Variants in SLC25A31 observed in about 807,000 individuals in gnomAD.
SLC25A31 encodes solute carrier family 25 member 31.
In SLC25A31, 40 loss-of-function variants were observed where a neutral mutation model predicts 36.2. That is an observed-to-expected ratio of 1.10 (90% CI 0.86 to 1.44). The LOEUF (loss-of-function observed/expected upper bound fraction) is 1.44. Ranked by LOEUF, SLC25A31 falls within the 40% of genes most tolerant of loss-of-function variation. SLC25A31 has a pLI of 0.00. For missense variants in SLC25A31, 350 were observed against 397.1 expected (o/e 0.88, Z 1.01); for synonymous variants, 143 against 149.7 (o/e 0.96, Z 0.32).
intron 4 of SLC25A31, 99 bp downstream of exon 4, chr4:127,767,319 T>G: frequency 9.0e-7 from 1 of 1,115,752 alleles, no homozygotes; most frequent in Non-Finnish European, 1.2e-6. Flanking sequence ...ATTATAAAAA[T>G]AAAAATCAGT....
chr4:127,732,112 G>T (rs975015565), intron 1 of SLC25A31, among the ~76,000 whole-genome samples: 6 of 152,168 alleles, frequency 3.9e-5, no homozygotes, highest in Non-Finnish European at 5.9e-5. Context: ...CACCCATATA[G>T]TTGGATTCAA....
chr4:127,744,620 A>G (rs1223155859), intron 1 of SLC25A31, 52 bp from the exon 2 acceptor site: 24 of 1,469,996 alleles, frequency 1.6e-5, no homozygotes, highest in East Asian at 4.7e-5. Context: ...AACTATGGCA[A>G]TTGTTTAATA....
chr4:127,772,785 TC>T lies in SLC25A31; in HGVS notation c.760-600del, dbSNP rs1469372519. On this transcript the variant is annotated intron_variant, in intron 5 of 5. Transcript: ENST00000281154. ...CCAACATATGATTTCTTTTTTTTTT[TC>T]TTTTTTTTTTTTTGAGACAGGGTCT... 5.3e-5 allele frequency among the ~76,000 whole-genome samples: 8 copies of T among 151,072 alleles called. No individual in the cohort carries two copies. In the East Asian group the frequency reaches 1.6e-3, roughly 29 times the overall value.
At chr4:127,766,655 G>T (rs760216331) in intron 3 of SLC25A31, among the ~76,000 whole-genome samples, 1 of 152,040 alleles carries the variant, frequency 6.6e-6, no homozygotes, top group Non-Finnish European at 1.5e-5. Context: ...TAGTGGCAGG[G>T]TCTCACTGTG....
At chr4:127,754,260 A>G (rs1256205646) in intron 2 of SLC25A31, among the ~76,000 whole-genome samples, 1 of 152,132 alleles carries the variant, frequency 6.6e-6, no homozygotes, top group African/African-American at 2.4e-5. Flanking sequence ...CACCACTTCT[A>G]TTCAACAAAG....
chr4:127,756,473 A>T (rs1732033035), intron 2 of SLC25A31, among the ~76,000 whole-genome samples: 1 of 152,170 alleles, frequency 6.6e-6, no homozygotes, highest in South Asian at 2.1e-4. Flanking sequence ...CTCAAAGGGT[A>T]CAAAGTTTCA....
At chr4:127,760,145 A>G (rs1185798770) in intron 2 of SLC25A31, among the ~76,000 whole-genome samples, 1 of 152,230 alleles carries the variant, frequency 6.6e-6, no homozygotes, top group East Asian at 1.9e-4. Flanking sequence ...AGGCCTTATC[A>G]TGTCCATTTC....
chr4:127,749,853 T>G (rs918848167), intron 2 of SLC25A31, among the ~76,000 whole-genome samples: 1 of 152,016 alleles, frequency 6.6e-6, no homozygotes, highest in African/African-American at 2.4e-5. Context: ...CTGAGCAATA[T>G]AGCAAGACCC....
rs548824634 is a variant in SLC25A31 at position 127,734,523 on chromosome 4, A to G, written c.232+3746A>G. On this transcript the variant is annotated intron_variant, in intron 1 of 5. Coordinates refer to ENST00000281154, the MANE Select transcript of SLC25A31 (RefSeq NM_031291.4). ...TTCAGTGAGCCAAGATCGTGCCACTACACTCCATCCTGGGTACAGAGGAAG... is the reference window on the plus strand; with the variant it reads ...TTCAGTGAGCCAAGATCGTGCCACTGCACTCCATCCTGGGTACAGAGGAAG... Among the ~76,000 whole-genome samples, 54 of 143,298 alleles carry G rather than the reference A, an allele frequency of 3.8e-4. 1 individual carries two copies. The highest frequency in any genetic ancestry group is 1.4e-3 in the African/African-American group (54 of 38,602). 94.0% of individuals were successfully genotyped at this position (143,298 alleles called of 152,430 possible).
chr4:127,739,035 C>T (rs1731686398), intron 1 of SLC25A31, among the ~76,000 whole-genome samples: 1 of 152,110 alleles, frequency 6.6e-6, no homozygotes, highest in Admixed American at 6.5e-5. Flanking sequence ...CAGACAGATG[C>T]ATCTTGTTTT....
intron 2 of SLC25A31, among the ~76,000 whole-genome samples, chr4:127,763,728 A>G (rs558779656): frequency 2.0e-5 from 3 of 152,212 alleles, no homozygotes; most frequent in African/African-American, 4.8e-5. Flanking sequence ...ATTTAATTCT[A>G]TTTAAATTAC....
intron 2 of SLC25A31, among the ~76,000 whole-genome samples, chr4:127,751,890 A>G (rs202204552): frequency 0.03 from 4,595 of 152,154 alleles, 293 homozygotes; most frequent in East Asian, 0.26. Flanking sequence ...CACCAGTTAG[A>G]ATGGCAATCA....
intron 2 of SLC25A31, among the ~76,000 whole-genome samples, chr4:127,761,059 G>A (rs1732119702): frequency 6.6e-6 from 1 of 152,108 alleles, no homozygotes; most frequent in African/African-American, 2.4e-5. Context: ...TCTTACTTGT[G>A]GAGGGACAGG....
intron 1 of SLC25A31, among the ~76,000 whole-genome samples, chr4:127,736,974 C>T (rs773410150): frequency 1.7e-4 from 26 of 152,150 alleles, no homozygotes; most frequent in Non-Finnish European, 1.0e-4. Context: ...TGAATTAAAA[C>T]GCTGAAACCT....
chr4:127,756,936 T>G (rs1732041827), intron 2 of SLC25A31, among the ~76,000 whole-genome samples: 1 of 152,194 alleles, frequency 6.6e-6, no homozygotes, highest in Non-Finnish European at 1.5e-5. Context: ...ACCCACCGTA[T>G]GATGCATGTT....
At chr4:127,732,907 T>A (rs928032782) in intron 1 of SLC25A31, among the ~76,000 whole-genome samples, 6 of 152,166 alleles carry the variant, frequency 3.9e-5, no homozygotes, top group Non-Finnish European at 8.8e-5. Context: ...TACTTTACAA[T>A]GGTATGAAAG....
At chr4:127,733,033 A>G (rs1296564986) in intron 1 of SLC25A31, among the ~76,000 whole-genome samples, 1 of 152,222 alleles carries the variant, frequency 6.6e-6, no homozygotes, top group Non-Finnish European at 1.5e-5. Context: ...TTCGTGTAGC[A>G]GTGAAACCTG....
At chr4:127,749,335 G>T (rs1731882768) in intron 2 of SLC25A31, among the ~76,000 whole-genome samples, 1 of 152,054 alleles carries the variant, frequency 6.6e-6, no homozygotes, top group Non-Finnish European at 1.5e-5. Flanking sequence ...AAAAGGGGAA[G>T]AAAGCTTATT....
chr4:127,769,752 G>C (rs1732315936), intron 5 of SLC25A31, among the ~76,000 whole-genome samples: 1 of 152,180 alleles, frequency 6.6e-6, no homozygotes, highest in African/African-American at 2.4e-5. Context: ...TTGCCCAAAT[G>C]CTTAAAATGA....
Sources: gnomAD v4.1 joint callset for allele counts (sites outside exome capture counted in the v4.1 genomes callset) on GRCh38, gnomAD v4.1.1 for gene constraint, MANE v1.5 for transcripts, NCBI Gene and HGNC (gene_info 2026-07-23, HGNC 2026-07-21) for gene names.